IPP: variants seen among roughly 807,000 people sequenced by gnomAD.
IPP encodes the protein intracisternal A particle-promoted polypeptide, also known as actin-binding protein IPP.
Under a neutral mutation model 64.1 loss-of-function variants are expected in IPP, and 41 were observed. The observed-to-expected ratio is 0.64, with a 90% confidence interval of 0.50 to 0.83. The LOEUF is 0.83. Among genes scored for constraint, IPP ranks in the 40% least tolerant of loss-of-function variants. The pLI, the probability that IPP is intolerant of heterozygous loss-of-function variation, is 0.00. For synonymous variants in IPP, 214 were observed against 235.2 expected, an observed-to-expected ratio of 0.91 and a Z score of 0.83; for missense variants, 649 against 703.0, an observed-to-expected ratio of 0.92 and a Z score of 0.87.
At chr1:45,698,150 G>C (rs1645403170), downstream of IPP, 1 of 151,688 alleles carries the variant, frequency 6.6e-6, no homozygotes, top group South Asian at 2.1e-4. Context: ...AAATTAGCTA[G>C]GCATGGTGGT....
chr1:45,711,642 T>C (rs1307008623), intron 8 of IPP, among the ~76,000 whole-genome samples: 1 of 151,764 alleles, frequency 6.6e-6, no homozygotes, highest in Non-Finnish European at 1.5e-5. Flanking sequence ...TATTCCCAGC[T>C]ACGTGGGTGG....
chr1:45,746,775 CAGAA>C (rs1414918191), intron 1 of IPP, among the ~76,000 whole-genome samples: 1 of 152,072 alleles, frequency 6.6e-6, no homozygotes, highest in Admixed American at 6.5e-5. Flanking sequence ...AACACAAAGA[CAGAA>C]AGTTAACAAA....
At chr1:45,716,524 C>A (rs903479882) in intron 7 of IPP, among the ~76,000 whole-genome samples, 1 of 152,208 alleles carries the variant, frequency 6.6e-6, no homozygotes, top group Non-Finnish European at 1.5e-5. Context: ...GGATTACAGG[C>A]ATGAGCCACC....
At chr1:45,711,036 A>C (rs1019235201) in intron 8 of IPP, among the ~76,000 whole-genome samples, 2 of 148,538 alleles carry the variant, frequency 1.3e-5, no homozygotes, top group Non-Finnish European at 3.0e-5. Flanking sequence ...ACAAACAAAA[A>C]AAAAAAGACC....
intron 8 of IPP, among the ~76,000 whole-genome samples, chr1:45,702,613 C>T (rs1455819916): frequency 6.6e-6 from 1 of 152,072 alleles, no homozygotes; most frequent in Non-Finnish European, 1.5e-5. Flanking sequence ...CACCACCACT[C>T]CCAGCTAATT....
chr1:45,721,662 C>A (rs577045833), intron 5 of IPP, among the ~76,000 whole-genome samples: 2 of 152,328 alleles, frequency 1.3e-5, no homozygotes, highest in African/African-American at 4.8e-5. Flanking sequence ...GTCCTTTTAG[C>A]AAATCACTAA....
chr1:45,739,842 AATTG>A (rs1281553898), intron 3 of IPP, among the ~76,000 whole-genome samples: 127 of 127,428 alleles, frequency 1.0e-3, no homozygotes, highest in Non-Finnish European at 1.8e-3. Flanking sequence ...TTTTTTTTTT[AATTG>A]ATCATTCTTG....
intron 8 of IPP, among the ~76,000 whole-genome samples, chr1:45,713,049 C>T (rs1433879225): frequency 6.6e-6 from 1 of 151,884 alleles, no homozygotes; most frequent in African/African-American, 2.4e-5. Flanking sequence ...AGAGAATTTA[C>T]AGTTTCTATT....
intron 6 of IPP, among the ~76,000 whole-genome samples, chr1:45,718,264 A>C (rs1645686920): frequency 6.6e-6 from 1 of 152,222 alleles, no homozygotes; most frequent in African/African-American, 2.4e-5. Context: ...ATGAGATTTA[A>C]CTACTCAGCT....
chr1:45,708,771 C>G (rs1162941289), intron 8 of IPP, among the ~76,000 whole-genome samples: 4 of 143,108 alleles, frequency 2.8e-5, no homozygotes. Flanking sequence ...GTGGCTCATG[C>G]CTGTAATCCC....
chr1:45,718,372 A>C (rs1331735586), intron 6 of IPP, among the ~76,000 whole-genome samples: 1 of 152,248 alleles, frequency 6.6e-6, no homozygotes, highest in African/African-American at 2.4e-5. Context: ...TACAGCATAC[A>C]GTAGCTCCAG....
chr1:45,736,204 C>T (rs567101719), intron 3 of IPP, among the ~76,000 whole-genome samples: 3 of 152,116 alleles, frequency 2.0e-5, no homozygotes, highest in African/African-American at 4.8e-5. Flanking sequence ...GTGATCATCC[C>T]GCCTTGGCCT....
chr1:45,716,125 C>A (rs1175500303), intron 7 of IPP, among the ~76,000 whole-genome samples: 1 of 152,032 alleles, frequency 6.6e-6, no homozygotes, highest in African/African-American at 2.4e-5. Flanking sequence ...GTTTGTATAC[C>A]ACTTTAATAT....
intron 3 of IPP, among the ~76,000 whole-genome samples, chr1:45,732,243 C>T (rs1300298482): frequency 1.3e-5 from 2 of 151,466 alleles, no homozygotes; most frequent in African/African-American, 4.9e-5. Flanking sequence ...CACATGTAAT[C>T]CCACCCACTT....
intron 8 of IPP, among the ~76,000 whole-genome samples, chr1:45,712,589 G>A (rs191473241): frequency 0.011 from 1,600 of 151,866 alleles, 30 homozygotes; most frequent in African/African-American, 0.037. Flanking sequence ...GGGCACGGTG[G>A]GCTCATGCCT....
intron 6 of IPP, among the ~76,000 whole-genome samples, chr1:45,717,574 C>T (rs547136999): frequency 8.8e-4 from 134 of 151,758 alleles, no homozygotes; most frequent in African/African-American, 3.0e-3. Flanking sequence ...GGTGCAATCT[C>T]GGCTCAGGCT....
intron 3 of IPP, among the ~76,000 whole-genome samples, chr1:45,731,807 A>G (rs1645909695): frequency 6.6e-6 from 1 of 151,864 alleles, no homozygotes; most frequent in African/African-American, 2.4e-5. Context: ...ATGGTGGCAC[A>G]TGCCTGTAAT....
At chr1:45,709,932 A>G in intron 8 of IPP, among the ~76,000 whole-genome samples, 1 of 51,294 alleles carries the variant, frequency 1.9e-5, no homozygotes, top group East Asian at 5.8e-4. Flanking sequence ...GAAATAGTAA[A>G]CATATGGATA....
intron 3 of IPP, among the ~76,000 whole-genome samples, chr1:45,738,185 C>T (rs1294810808): frequency 1.3e-5 from 2 of 152,138 alleles, no homozygotes; most frequent in Non-Finnish European, 2.9e-5. Context: ...CAGACATGCA[C>T]AGAGTGGCAA....
Sources: allele counts gnomAD v4.1 joint callset (sites outside exome capture counted in the v4.1 genomes callset), GRCh38; gene constraint gnomAD v4.1.1; transcripts MANE v1.5; gene names NCBI Gene and HGNC (gene_info 2026-07-23, HGNC 2026-07-21).